HIVEP1: variants seen among roughly 807,000 people sequenced by gnomAD.
HIVEP1 encodes the protein HIVEP zinc finger 1.
Under a neutral mutation model 180.0 loss-of-function variants are expected in HIVEP1, and 36 were observed. The ratio of observed to expected loss-of-function variants is 0.20; its 90% confidence interval spans 0.15 to 0.26. The LOEUF is 0.26. Ranked by LOEUF, HIVEP1 falls within the 10% of genes least tolerant of loss-of-function variation. The pLI is 1.00. For synonymous variants in HIVEP1, 1,239 were observed against 1,239.0 expected (o/e 1.00, Z 0.00); for missense variants, 3,143 against 3,268.7 (o/e 0.96, Z 0.94).
At chr6:12,091,183 A>T (rs1398131012) in intron 3 of HIVEP1, among the ~76,000 whole-genome samples, 2 of 152,100 alleles carry the variant, frequency 1.3e-5, no homozygotes, top group African/African-American at 4.8e-5. Flanking sequence ...GCTGATACCT[A>T]TTTTATTTTA....
chr6:12,146,156 T>C (rs1469322291), intron 7 of HIVEP1, among the ~76,000 whole-genome samples: 1 of 152,212 alleles, frequency 6.6e-6, no homozygotes, highest in African/African-American at 2.4e-5. Context: ...GAATTAGATA[T>C]AGTCGGCCGG....
intron 6 of HIVEP1, among the ~76,000 whole-genome samples, chr6:12,131,487 T>C (rs1042311868): frequency 6.6e-6 from 1 of 151,794 alleles, no homozygotes; most frequent in Non-Finnish European, 1.5e-5. Flanking sequence ...TAGTTTCTAT[T>C]AATGTTTATA....
At chr6:12,011,273 CCCCCCCCCCCCGCCT>C (rs1440777491), upstream of HIVEP1, among the ~76,000 whole-genome samples, 778 of 72,226 alleles carry the variant, frequency 0.011, 23 homozygotes, top group African/African-American at 0.031. Context: ...CTTGGGGTCC[CCCCCCCCCCCCGCCT>C]CCCCCTCCCC....
At chr6:12,208,286 A>T in the HIVEP1 span, among the ~76,000 whole-genome samples, 1 of 152,190 alleles carries the variant, frequency 6.6e-6, no homozygotes, top group Non-Finnish European at 1.5e-5. Flanking sequence ...TGTTTTGTAC[A>T]GCTGACTCAT....
intron 2 of HIVEP1, among the ~76,000 whole-genome samples, chr6:12,050,867 G>T (rs1208496112): frequency 6.6e-6 from 1 of 151,548 alleles, no homozygotes; most frequent in Non-Finnish European, 1.5e-5. Flanking sequence ...TATTGATGAA[G>T]GTAGAAGTGG....
At chr6:12,113,665 C>G (rs1193792965) in intron 3 of HIVEP1, among the ~76,000 whole-genome samples, 1 of 152,106 alleles carries the variant, frequency 6.6e-6, no homozygotes, top group Non-Finnish European at 1.5e-5. Flanking sequence ...TGTAGAATAC[C>G]TTTTCCATCC....
chr6:12,104,378 T>TCG lies in HIVEP1; in HGVS notation c.94+15141_94+15142insCG, dbSNP rs1561942153. On this transcript the variant is annotated intron_variant, in intron 3 of 8. Transcript: ENST00000379388. ...TCTGACTTATTCTCTCTCTCTCTCT[T>TCG]TCTCTCTCTCTCTTCGTTTCTCTCT... 3.0e-3 allele frequency among the ~76,000 whole-genome samples: 441 copies of TCG among 146,210 alleles called. 4 individuals are homozygous for TCG. Among genetic ancestry groups the TCG allele is most frequent in the African/African-American group, 0.011 (422 of 39,758 alleles).
chr6:12,134,252 AATATCAGAG>A (rs1319735598), intron 6 of HIVEP1, among the ~76,000 whole-genome samples: 1 of 152,142 alleles, frequency 6.6e-6, no homozygotes, highest in Non-Finnish European at 1.5e-5. Flanking sequence ...ATTTAATGTA[AATATCAGAG>A]ATAGCCAAGT....
At chr6:12,140,912 C>T (rs9380837) in intron 7 of HIVEP1, among the ~76,000 whole-genome samples, 9,920 of 152,148 alleles carry the variant, frequency 0.065, 376 homozygotes, top group Middle Eastern at 0.15. Flanking sequence ...CTGAAAGTGA[C>T]GGGGAGAATG....
At chr6:12,079,535 A>G (rs1319100659) in intron 2 of HIVEP1, among the ~76,000 whole-genome samples, 2 of 152,154 alleles carry the variant, frequency 1.3e-5, no homozygotes, top group Non-Finnish European at 2.9e-5. Flanking sequence ...CTGGTACTTG[A>G]TAAAATATTG....
chr6:12,197,904 G>A, the HIVEP1 span, among the ~76,000 whole-genome samples: 1 of 152,190 alleles, frequency 6.6e-6, no homozygotes, highest in Non-Finnish European at 1.5e-5. Context: ...AGGTAAAATG[G>A]AAAGAATGTC....
In HIVEP1 at chr6:12,120,176, A is replaced by G. The variant is rs895755513; in HGVS notation, c.381A>G (p.Glu127=). 1.9e-6 allele frequency: 3 copies of G among 1,614,208 alleles called. No individual in the cohort carries two copies. The highest frequency in any genetic ancestry group is 2.5e-6 in the Non-Finnish European group (3 of 1,180,032). Reference sequence around the variant, plus strand: ...TTGCTGAAGCCTCAAAATCTGAAGAATCTGTCTCCCCAAAGAAGCCCTTGT... The same window carrying G: ...TTGCTGAAGCCTCAAAATCTGAAGAGTCTGTCTCCCCAAAGAAGCCCTTGT... The part of the protein sequence containing the change: ...GIIAEASKSE[E]SVSPKKPLFL... The change falls in exon 4 of 9, where the codon GAA becomes GAG. Residue 127 remains glutamate, a synonymous_variant. Transcript: ENST00000379388.
At chr6:12,079,380 G>T (rs1050504401) in intron 2 of HIVEP1, among the ~76,000 whole-genome samples, 3 of 152,016 alleles carry the variant, frequency 2.0e-5, no homozygotes, top group African/African-American at 7.2e-5. Flanking sequence ...AAAAATATAG[G>T]CTCTGGCTTT....
At chr6:12,013,774 C>T (rs1767551998) in intron 1 of HIVEP1, among the ~76,000 whole-genome samples, 1 of 152,164 alleles carries the variant, frequency 6.6e-6, no homozygotes. Context: ...GAAACCCTAT[C>T]TTTTATAGAT....
downstream of HIVEP1, among the ~76,000 whole-genome samples, chr6:12,168,040 TAC>T (rs1760780406): frequency 2.2e-5 from 1 of 45,178 alleles, no homozygotes; most frequent in African/African-American, 6.0e-5. Context: ...ATATTATATA[TAC>T]ATATACATAT....
rs779566692 is a variant in HIVEP1 at position 12,122,551 on chromosome 6, T to G, written c.2756T>G (p.Leu919Arg). 6.2e-7 allele frequency: 1 copy of G among 1,614,230 alleles called. No individual in the cohort carries two copies. Among genetic ancestry groups the G allele is most frequent in the East Asian group, 2.2e-5 (1 of 44,890 alleles). Residue 919 changes from leucine (L) to arginine (R), a missense_variant, in exon 4 of 9, where the codon CTG becomes CGG. Transcript: ENST00000379388. ...ESHVLGTGQS[L>R]DESHQGCHAA... is the part of the protein sequence containing the mutation. ...CATGTTCTTGGTACTGGACAGTCCC[T>G]GGATGAGAGCCACCAAGGATGCCAT...
intron 2 of HIVEP1, among the ~76,000 whole-genome samples, chr6:12,021,023 T>C (rs1158678684): frequency 6.6e-6 from 1 of 151,836 alleles, no homozygotes. Context: ...CCCAAGTAGC[T>C]GGGACTATAG....
intron 2 of HIVEP1, among the ~76,000 whole-genome samples, chr6:12,077,115 C>T (rs1772415771): frequency 2.0e-5 from 3 of 152,114 alleles, no homozygotes; most frequent in African/African-American, 4.8e-5. Context: ...TTATCTGAAG[C>T]ATTGTGAACC....
chr6:12,027,671 G>A lies in HIVEP1; in HGVS notation c.40+12003G>A, dbSNP rs1227786838. The stretch of plus-strand genomic sequence containing the variant: ...AAATAGAGCTGTCTTTGAGAGGTGC[G>A]CCTTCTGACAAATGAGCCCTACAAG... On this transcript the variant is annotated intron_variant, in intron 2 of 8. Coordinates refer to ENST00000379388, the MANE Select transcript of HIVEP1 (RefSeq NM_002114.4). 3.3e-5 allele frequency among the ~76,000 whole-genome samples: 5 copies of A among 152,298 alleles called. 1 individual carries two copies. The highest frequency in any genetic ancestry group is 2.0e-4 in the Admixed American group (3 of 15,294).
Sources: gnomAD v4.1 joint callset for allele counts (sites outside exome capture counted in the v4.1 genomes callset) on GRCh38, gnomAD v4.1.1 for gene constraint, MANE v1.5 for transcripts, NCBI Gene and HGNC (gene_info 2026-07-23, HGNC 2026-07-21) for gene names.